Variants in CUX1 observed in about 807,000 individuals in gnomAD.
CUX1 encodes the protein protein CASP.
Under a neutral mutation model 158.8 loss-of-function variants are expected in CUX1, and 31 were observed. That is an observed-to-expected ratio of 0.20 (90% confidence interval 0.15 to 0.26). CUX1 has a LOEUF of 0.26. Among genes scored for constraint, CUX1 ranks in the 10% least tolerant of loss-of-function variants. The pLI, the probability that CUX1 is intolerant of heterozygous loss-of-function variation, is 1.00. For synonymous variants in CUX1, 879 were observed against 862.1 expected (o/e 1.02, Z -0.34); for missense variants, 1,589 against 2,014.6 (o/e 0.79, Z 4.04).
At chr7:101,825,792 TGTGTGTGCGC>T (rs57351708) in intron 1 of CUX1, among the ~76,000 whole-genome samples, 13,742 of 109,720 alleles carry the variant, frequency 0.13, 731 homozygotes, top group East Asian at 0.26. Context: ...TGTGTGTGTG[TGTGTGTGCGC>T]GCGCGCGCGC....
chr7:102,271,205 C>T (rs1236452651), intron 14 of CUX1, among the ~76,000 whole-genome samples: 1 of 152,212 alleles, frequency 6.6e-6, no homozygotes, highest in Non-Finnish European at 1.5e-5. Flanking sequence ...AGGCCCTCAT[C>T]CCTGAGGTGG....
At chr7:102,085,392 C>T (rs1408822593) in intron 4 of CUX1, among the ~76,000 whole-genome samples, 2 of 152,146 alleles carry the variant, frequency 1.3e-5, no homozygotes, top group African/African-American at 4.8e-5. Context: ...TCCCATAAAA[C>T]CCACATGTCG....
At chr7:101,897,632 G>A (rs918498448) in intron 1 of CUX1, among the ~76,000 whole-genome samples, 8 of 152,154 alleles carry the variant, frequency 5.3e-5, no homozygotes, top group South Asian at 2.1e-4. Flanking sequence ...GTATCACAGC[G>A]CAGGTCATGG....
intron 8 of CUX1, among the ~76,000 whole-genome samples, chr7:102,132,674 G>T (rs1246613499): frequency 4.6e-4 from 56 of 121,112 alleles, no homozygotes; most frequent in South Asian, 5.4e-4. Flanking sequence ...GTTTTTCTTT[G>T]CTTTTCTTTT....
intron 20 of CUX1, among the ~76,000 whole-genome samples, chr7:102,220,451 T>C (rs1797694374): frequency 2.0e-5 from 3 of 152,208 alleles, no homozygotes; most frequent in Admixed American, 1.3e-4. Context: ...CCAGGGGGTG[T>C]GGTCTGTTTA....
chr7:101,866,977 TTGGGAGGCCAAGG>T (rs1189344763), intron 1 of CUX1, among the ~76,000 whole-genome samples: 1 of 152,212 alleles, frequency 6.6e-6, no homozygotes, highest in Non-Finnish European at 1.5e-5. Context: ...TCCCTGCGCT[TTGGGAGGCCAAGG>T]TGGGTGGATC....
At chr7:101,959,336 A>ACTCC (rs1810174669) in intron 2 of CUX1, 1 of 149,378 alleles carries the variant, frequency 6.7e-6, no homozygotes, top group Non-Finnish European at 1.5e-5. Context: ...AGTTGCCAAT[A>ACTCC]CTCCTCTCCC....
intron 12 of CUX1, among the ~76,000 whole-genome samples, chr7:102,191,482 C>T (rs943926985): frequency 2.0e-5 from 3 of 152,160 alleles, no homozygotes; most frequent in African/African-American, 7.2e-5. Flanking sequence ...ATCCACCCAC[C>T]TCAGCCTCCC....
intron 4 of CUX1, among the ~76,000 whole-genome samples, chr7:102,077,732 G>A (rs1554477160): frequency 6.6e-6 from 1 of 152,074 alleles, no homozygotes; most frequent in Admixed American, 6.6e-5. Context: ...TCAGGTAGCT[G>A]GGAATATTCT....
At chr7:102,232,785 C>T (rs562150751) in intron 21 of CUX1, among the ~76,000 whole-genome samples, 183 of 152,284 alleles carry the variant, frequency 1.2e-3, no homozygotes, top group Non-Finnish European at 2.3e-3. Flanking sequence ...GCCTGTGAAG[C>T]GGGCTGCCTG....
chr7:102,171,508 C>T (rs1336166901), intron 10 of CUX1, among the ~76,000 whole-genome samples: 8 of 149,638 alleles, frequency 5.3e-5, no homozygotes, highest in South Asian at 4.2e-4. Flanking sequence ...AGTGCAGTGG[C>T]GCAGTCTTGG....
chr7:102,010,751 C>G lies in CUX1; in HGVS notation c.142-17347C>G, dbSNP rs370016937. On this transcript the variant is annotated intron_variant, in intron 2 of 23. Transcript: ENST00000292535. ...GGAGTTCTGCCGGCGGGCGTGAGGA[C>G]CACGCTAAAAGATGCCGGTTGTGCT... Among the ~76,000 whole-genome samples the G allele has an allele frequency of 4.6e-5, 7 of 152,348 alleles. No individual in the cohort carries two copies. In the East Asian group the frequency reaches 1.2e-3, roughly 25 times the overall value.
chr7:102,178,435 A>G (rs1792636681), intron 10 of CUX1, 34 bp from the exon 11 acceptor site: 2 of 1,557,910 alleles, frequency 1.3e-6, no homozygotes, highest in Non-Finnish European at 1.7e-6. Flanking sequence ...CCTCAAGGCC[A>G]GCGCAGTTTT....
rs926497401 is a variant in CUX1 at position 102,247,777 on chromosome 7, C to T, written c.3888-635C>T. 9.2e-5 allele frequency among the ~76,000 whole-genome samples: 14 copies of T among 152,312 alleles called. No individual in the cohort carries two copies. In the South Asian group the frequency reaches 2.9e-3, roughly 32 times the overall value. On this transcript the variant is annotated intron_variant, in intron 23 of 23. Coordinates refer to ENST00000292535, the MANE Select transcript of CUX1 (RefSeq NM_181552.4). ...TGGAGGCTGCAGTGAGCTGTGATGGCACCACTGCACTCCAGTCTGGGTGAC... is the reference window on the plus strand; with the variant it reads ...TGGAGGCTGCAGTGAGCTGTGATGGTACCACTGCACTCCAGTCTGGGTGAC...
chr7:102,260,724 G>A (rs73412067), downstream of CUX1, among the ~76,000 whole-genome samples: 969 of 151,954 alleles, frequency 6.4e-3, 10 homozygotes, highest in African/African-American at 0.022. Context: ...ATACCCAGCC[G>A]CGTTCCTTAT....
chr7:101,897,699 G>A lies in CUX1; in HGVS notation c.31-18416G>A, dbSNP rs1251249761. Reference sequence around the variant, plus strand: ...AATGTTAAATGAACCCCAGACTATAGCGTGACCAGTCTGATATTATCATCC... The same window carrying A: ...AATGTTAAATGAACCCCAGACTATAACGTGACCAGTCTGATATTATCATCC... On this transcript the variant is annotated intron_variant, in intron 1 of 23. Transcript: ENST00000292535. Among the ~76,000 whole-genome samples the A allele has an allele frequency of 7.9e-5, 12 of 152,222 alleles. No homozygotes were observed. In the East Asian group the frequency reaches 2.3e-3, roughly 29 times the overall value.
At chr7:102,239,996 C>T (rs1800016208) in intron 23 of CUX1, among the ~76,000 whole-genome samples, 1 of 152,150 alleles carries the variant, frequency 6.6e-6, no homozygotes, top group Non-Finnish European at 1.5e-5. Context: ...GATCTGCCCA[C>T]CTCGGCCCCG....
chr7:102,211,987 T>C (rs1379425717), intron 20 of CUX1, among the ~76,000 whole-genome samples: 3 of 151,972 alleles, frequency 2.0e-5, no homozygotes, highest in Non-Finnish European at 4.4e-5. Flanking sequence ...AAAAGTTCCT[T>C]GATGTGTGAT....
chr7:101,851,094 G>C (rs1796221966), intron 1 of CUX1, among the ~76,000 whole-genome samples: 1 of 152,148 alleles, frequency 6.6e-6, no homozygotes. Flanking sequence ...GGGTGACAGA[G>C]CGAGAGTCTG....
Sources: allele counts gnomAD v4.1 joint callset (sites outside exome capture counted in the v4.1 genomes callset), GRCh38; gene constraint gnomAD v4.1.1; transcripts MANE v1.5; gene names NCBI Gene and HGNC (gene_info 2026-07-23, HGNC 2026-07-21).